The following MCF2L variants were observed in gnomAD, a reference collection of about 807,000 sequenced individuals.
MCF2L encodes the protein MCF.2 cell line derived transforming sequence like.
Under a neutral mutation model 153.4 loss-of-function variants are expected in MCF2L, and 97 were observed. That is an observed-to-expected ratio of 0.63 (90% CI 0.54 to 0.75). The LOEUF is 0.75. Ranked by LOEUF, MCF2L falls within the 30% of genes least tolerant of loss-of-function variation. The pLI, the probability that MCF2L is intolerant of heterozygous loss-of-function variation, is 0.00. For missense variants in MCF2L, 1,347 were observed against 1,495.2 expected (o/e 0.90, Z 1.64); for synonymous variants, 659 against 632.2 (o/e 1.04, Z -0.64).
chr13:112,909,249 G>A (rs759274302), intron 2 of MCF2L: 15 of 779,666 alleles, frequency 1.9e-5, no homozygotes, highest in East Asian at 2.4e-5. Flanking sequence ...TGTGATTCCA[G>A]CAGAGGTCTC....
chr13:113,095,193 T>C (rs1480681151), intron 27 of MCF2L: 2 of 1,242,872 alleles, frequency 1.6e-6, no homozygotes, highest in Non-Finnish European at 2.1e-6. Context: ...CATGTGTTAA[T>C]CATTCCAGTG....
rs564375322 is a variant in MCF2L, at chr13:113,036,613, C to T, written c.279-8658C>T. ...GTGGCAGCAGCCACCCACAGAAGGA[C>T]GCGCTGTCCCGGCCCCGCATCCCCA... On this transcript the variant is annotated intron_variant, in intron 3 of 29. Coordinates refer to ENST00000535094, the MANE Select transcript of MCF2L (RefSeq NM_001112732.3). 2.4e-3 allele frequency among the ~76,000 whole-genome samples: 371 copies of T among 152,366 alleles called. 2 individuals carry two copies. Among genetic ancestry groups the T allele is most frequent in the African/African-American group, 8.4e-3 (350 of 41,602 alleles).
rs758716883 is a variant in MCF2L, at chr13:113,096,388, G to C, written c.3093G>C (p.Thr1031=). 6.3e-7 allele frequency: 1 copy of C among 1,584,200 alleles called. No homozygotes were observed. The highest frequency in any genetic ancestry group is 8.6e-7 in the Non-Finnish European group (1 of 1,166,306). The change falls in exon 28 of 30, where the codon ACG becomes ACC. Residue 1031 remains threonine (T), a synonymous_variant. Transcript: ENST00000535094. ...GPKKLVPGKY[T]VVADHEKGGP... is the part of the protein sequence containing the mutation. The stretch of plus-strand genomic sequence containing the variant: ...CCCACCAGGTTCCAGGTAAATACAC[G>C]GTCGTGGCGGACCACGAGAAGGGAG...
chr13:112,934,515 G>A (rs985083959), intron 2 of MCF2L, among the ~76,000 whole-genome samples: 2 of 113,280 alleles, frequency 1.8e-5, no homozygotes, highest in Non-Finnish European at 3.8e-5. Context: ...TGATTCAAGA[G>A]GTCTGATGTG....
intron 20 of MCF2L, 38 bp downstream of exon 20, chr13:113,085,216 A>G: frequency 6.3e-7 from 1 of 1,590,004 alleles, no homozygotes; most frequent in Non-Finnish European, 8.6e-7. Context: ...CCTCCCCAGC[A>G]CCTGCTGGCC....
chr13:112,895,412 G>A (rs1426647262), intron 1 of MCF2L, among the ~76,000 whole-genome samples: 1 of 152,150 alleles, frequency 6.6e-6, no homozygotes, highest in Non-Finnish European at 1.5e-5. Context: ...TAGAAATGCA[G>A]TCCCCAGGGC....
At chr13:113,067,258 C>G (rs2032523019) in intron 8 of MCF2L, among the ~76,000 whole-genome samples, 1 of 150,698 alleles carries the variant, frequency 6.6e-6, no homozygotes, top group African/African-American at 2.4e-5. Context: ...TGGTGCACAG[C>G]TGGAGTCCCA....
intron 1 of MCF2L, among the ~76,000 whole-genome samples, chr13:112,989,067 ACGCCCGAGTCCTCCC>A (rs1594510604): frequency 1.7e-5 from 2 of 117,840 alleles, no homozygotes; most frequent in East Asian, 5.2e-4. Context: ...TGGAGCTACC[ACGCCCGAGTCCTCCC>A]TGAGCAGGGG....
intron 2 of MCF2L, among the ~76,000 whole-genome samples, chr13:113,024,157 G>A (rs1247141467): frequency 8.5e-5 from 13 of 152,208 alleles, no homozygotes; most frequent in South Asian, 2.1e-4. Flanking sequence ...CTTAAAAGGC[G>A]CCAATGTCGG....
chr13:113,064,638 C>CAAAA lies in MCF2L; in HGVS notation c.606+231_606+234dup. On this transcript the variant is annotated intron_variant, in intron 6 of 29. Transcript: ENST00000535094. This position sits in a 1 kb window ranked among gnomAD's most constrained non-coding sequence, Gnocchi z 6.0. ...AGTGGCTTTCTCTGGGCTTGGAGACCAAAAAAAAAAAAAAAACCCTTGCGT... is the reference window on the plus strand; with the variant it reads ...AGTGGCTTTCTCTGGGCTTGGAGACCAAAAAAAAAAAAAAAAAAAACCCTTGCGT... The CAAAA allele has an allele frequency of 2.6e-5, 12 of 464,414 alleles. No homozygotes were observed. The highest frequency in any genetic ancestry group is 1.6e-4 in the South Asian group (6 of 36,818). 28.8% of individuals were successfully genotyped at this position (464,414 alleles called of 1,614,324 possible).
chr13:112,909,344 C>CA, intron 2 of MCF2L: 1 of 777,856 alleles, frequency 1.3e-6, no homozygotes, highest in East Asian at 2.4e-5. Context: ...TCTGTGTCTA[C>CA]AGACCCGGCC....
rs2081960770 is a variant in MCF2L, at chr13:112,969,246, T to C, written c.-134T>C. 3.6e-6 allele frequency: 5 copies of C among 1,378,916 alleles called. No individual in the cohort carries two copies. The highest frequency in any genetic ancestry group is 3.8e-6 in the Non-Finnish European group (4 of 1,057,654). 85.4% of individuals were successfully genotyped at this position (1,378,916 alleles called of 1,614,324 possible). ...CAATCCTGGGCAGGGAGGCGGCGGCTGGAGGCTGAAAGCGCTGCCGTGGCC... is the reference window on the plus strand; with the variant it reads ...CAATCCTGGGCAGGGAGGCGGCGGCCGGAGGCTGAAAGCGCTGCCGTGGCC... On this transcript the variant is annotated 5_prime_UTR_variant, in exon 1 of 30. Coordinates refer to ENST00000535094, the MANE Select transcript of MCF2L (RefSeq NM_001112732.3). This position sits in a 1 kb window ranked among gnomAD's most constrained non-coding sequence, Gnocchi z 4.8.
At position 113,005,187 on chromosome 13, in the gene MCF2L, G is replaced by A. The variant is rs111228664; in HGVS notation, c.80-9576G>A. On this transcript the variant is annotated intron_variant, in intron 1 of 29. Transcript: ENST00000535094. Reference sequence around the variant, plus strand: ...GAAAGCCTGTCATTCGAGACAGCACGGATGAGCCTGGAGGACAGTGCTGAG... The same window carrying A: ...GAAAGCCTGTCATTCGAGACAGCACAGATGAGCCTGGAGGACAGTGCTGAG... Among the ~76,000 whole-genome samples, 810 of 152,346 alleles carry A rather than the reference G, an allele frequency of 5.3e-3. 6 individuals are homozygous for A. The highest frequency in any genetic ancestry group is 0.019 in the African/African-American group (773 of 41,590).
intron 2 of MCF2L, among the ~76,000 whole-genome samples, chr13:112,939,351 C>T (rs748550209): frequency 2.8e-4 from 42 of 152,260 alleles, no homozygotes; most frequent in Admixed American, 9.8e-4. Flanking sequence ...CATCCCTGGA[C>T]CCTACCCACT....
rs760812522 is a variant in MCF2L, at chr13:113,076,087, C to G, written c.1430C>G (p.Ala477Gly). The change falls in exon 12 of 30, where the codon GCG becomes GGG. Residue 477 changes from alanine to glycine, a missense_variant. Ala to Gly is a moderately conservative substitution (Grantham distance 60). This residue lies in a region of MCF2L where 820 missense variants were observed against 921.2 expected (regional missense o/e 0.89). Transcript: ENST00000535094. ...ATCGAGAAGTTTTTGGAGACCGGTG[C>G]GGAAAATAAGATCCAGGAGCTCAAC... ...QEIEKFLETG[A>G]ENKIQELNAI... 6.2e-7 allele frequency: 1 copy of G among 1,613,792 alleles called. No individual in the cohort carries two copies. Among genetic ancestry groups the G allele is most frequent in the African/African-American group, 1.3e-5 (1 of 74,888 alleles).
chr13:113,078,368 C>G lies in MCF2L; in HGVS notation c.1666C>G (p.Arg556Gly). 1.2e-6 allele frequency: 2 copies of G among 1,613,180 alleles called. No individual in the cohort carries two copies. Among genetic ancestry groups the G allele is most frequent in the Non-Finnish European group, 1.7e-6 (2 of 1,179,756 alleles). ...GCTCCCCTTCTTCCCAACAGGCATT[C>G]GGCGAGGCTCTGAGAACTCCAGCTC... ...AKSPCPSPGI[R>G]RGSENSSSEG... Residue 556 changes from arginine to glycine, a missense_variant, in exon 14 of 30, where the codon CGG becomes GGG. Physicochemically the swap from Arg to Gly is moderately radical, Grantham distance 125. Around this residue, in one of 3 missense-constraint regions of MCF2L, gnomAD observed 820 missense variants for 921.2 expected, o/e 0.89. Transcript: ENST00000535094.
intron 3 of MCF2L, chr13:113,044,654 C>T (rs1374234580): frequency 2.5e-6 from 4 of 1,610,928 alleles, no homozygotes; most frequent in Non-Finnish European, 3.4e-6. Flanking sequence ...GTGACTCAGG[C>T]TTCTACTACC....
At chr13:112,986,839 G>A (rs997629671) in intron 1 of MCF2L, among the ~76,000 whole-genome samples, 8 of 152,326 alleles carry the variant, frequency 5.3e-5, no homozygotes, top group South Asian at 2.1e-4. Context: ...ACAGTGGCGC[G>A]TACGCTGCAC....
chr13:112,919,873 T>TGAAG (rs2081335547), intron 2 of MCF2L, among the ~76,000 whole-genome samples: 1 of 152,244 alleles, frequency 6.6e-6, no homozygotes, highest in South Asian at 2.1e-4. Context: ...TTTCATGCTT[T>TGAAG]GAAGGACCCC....
Sources: allele counts gnomAD v4.1 joint callset (sites outside exome capture counted in the v4.1 genomes callset), GRCh38; gene constraint gnomAD v4.1.1; regional missense constraint gnomAD v4.1.1; non-coding constraint Gnocchi (gnomAD v3.1); transcripts MANE v1.5; gene names NCBI Gene and HGNC (gene_info 2026-07-23, HGNC 2026-07-21).